NECAB1: variants seen among roughly 807,000 people sequenced by gnomAD.
NECAB1 encodes the protein N-terminal EF-hand calcium-binding protein 1.
Under a neutral mutation model 57.5 loss-of-function variants are expected in NECAB1, and 29 were observed. The ratio of observed to expected loss-of-function variants is 0.50; its 90% confidence interval spans 0.38 to 0.69. The LOEUF (loss-of-function observed/expected upper bound fraction) is 0.69, where lower values mean the gene tolerates loss of function less well. Ranked by LOEUF, NECAB1 falls within the 30% of genes least tolerant of loss-of-function variation. NECAB1 has a pLI of 0.00. For missense variants in NECAB1, 372 were observed against 413.8 expected, an observed-to-expected ratio of 0.90 and a Z score of 0.88; for synonymous variants, 142 against 147.7, an observed-to-expected ratio of 0.96 and a Z score of 0.28.
chr8:90,833,006 T>C (rs1812316878), intron 3 of NECAB1, among the ~76,000 whole-genome samples: 1 of 152,180 alleles, frequency 6.6e-6, no homozygotes, highest in Non-Finnish European at 1.5e-5. Flanking sequence ...TGATGTATAC[T>C]ATAGAGGTAA....
intron 9 of NECAB1, chr8:90,940,417 T>C (rs550772608): frequency 5.8e-6 from 1 of 172,236 alleles, no homozygotes; most frequent in African/African-American, 2.4e-5. Context: ...TGATCCCAGC[T>C]CTGCCTGCAC....
At chr8:90,882,916 A>T (rs979262076) in intron 5 of NECAB1, among the ~76,000 whole-genome samples, 1 of 152,224 alleles carries the variant, frequency 6.6e-6, no homozygotes, top group Admixed American at 6.5e-5. Context: ...TTGATTGGTT[A>T]AATGAACACA....
At position 90,955,434 on chromosome 8, in the gene NECAB1, CT is replaced by C. The variant is rs1465213313; in HGVS notation, c.1031-50del. Reference sequence around the variant, plus strand: ...AGAAATAATTTGCACCTTGAATGTTCTTTGCCCTATAAGTTATTTTCATTAT... The same window carrying C: ...AGAAATAATTTGCACCTTGAATGTTCTTGCCCTATAAGTTATTTTCATTAT... On this transcript the variant is annotated intron_variant, in intron 12 of 12. Transcript: ENST00000417640. The C allele has an allele frequency of 3.7e-6, 5 of 1,366,740 alleles. No individual in the cohort carries two copies. In the East Asian group the frequency reaches 1.3e-4, roughly 35 times the overall value. 84.7% of individuals were successfully genotyped at this position (1,366,740 alleles called of 1,614,324 possible).
In NECAB1 at chr8:90,940,863, C is replaced by A; in HGVS notation, c.825C>A (p.Tyr275Ter). The A allele has an allele frequency of 6.4e-7, 1 of 1,561,734 alleles. No individual in the cohort carries two copies. Among genetic ancestry groups the A allele is most frequent in the Non-Finnish European group, 8.7e-7 (1 of 1,152,510 alleles). The change falls in exon 10 of 13, where the codon TAC becomes TAA. Residue 275 changes from tyrosine to a stop codon, truncating the protein, a stop_gained. Coordinates refer to ENST00000417640, the MANE Select transcript of NECAB1 (RefSeq NM_022351.5). LOFTEE classifies it high-confidence loss of function. ...AATTCCAGCTCGCTCTGAAACACTA[C>A]GTGGAGAGTGCTTCCTCCCAAAGTG... ...LEEFQLALKH[Y>*]VESASSQSGC...
intron 6 of NECAB1, among the ~76,000 whole-genome samples, chr8:90,923,614 A>C (rs995612328): frequency 1.3e-5 from 2 of 152,258 alleles, no homozygotes; most frequent in African/African-American, 4.8e-5. Context: ...CAAACACAAG[A>C]AAAGAAACTC....
intron 2 of NECAB1, among the ~76,000 whole-genome samples, chr8:90,817,060 C>T (rs939901159): frequency 1.3e-5 from 2 of 151,750 alleles, no homozygotes; most frequent in Non-Finnish European, 3.0e-5. Context: ...AACTATTTTT[C>T]AGCTTCGATT....
rs1443144430 is a variant in NECAB1 at position 90,955,544 on chromosome 8, G to A, written c.*32G>A. On this transcript the variant is annotated 3_prime_UTR_variant, in exon 13 of 13. Coordinates refer to ENST00000417640, the MANE Select transcript of NECAB1 (RefSeq NM_022351.5). The stretch of plus-strand genomic sequence containing the variant: ...CTAGACATTTTCTTTATGGTTCCAA[G>A]TGCAAAACAGGTGTTCTTATCTAAA... 6.6e-7 allele frequency: 1 copy of A among 1,515,144 alleles called. No homozygotes were observed. The highest frequency in any genetic ancestry group is 1.3e-5 in the South Asian group (1 of 79,636). 93.9% of individuals were successfully genotyped at this position (1,515,144 alleles called of 1,614,324 possible).
chr8:90,813,980 T>G (rs1812016196), intron 2 of NECAB1, among the ~76,000 whole-genome samples: 1 of 152,206 alleles, frequency 6.6e-6, no homozygotes, highest in Non-Finnish European at 1.5e-5. Context: ...TCTACTAAAG[T>G]CCACACTTTG....
chr8:90,860,741 G>A (rs963448975), intron 3 of NECAB1, among the ~76,000 whole-genome samples: 25 of 152,140 alleles, frequency 1.6e-4, no homozygotes, highest in Non-Finnish European at 3.2e-4. Context: ...ATGATGCAGT[G>A]GTCAGAGAGA....
At chr8:90,885,093 A>G (rs544177864) in intron 5 of NECAB1, among the ~76,000 whole-genome samples, 1 of 152,342 alleles carries the variant, frequency 6.6e-6, no homozygotes, top group African/African-American at 2.4e-5. Flanking sequence ...CTGAGATGAG[A>G]GCCCTAACCC....
chr8:90,843,710 G>T (rs760218857), intron 3 of NECAB1, among the ~76,000 whole-genome samples: 1 of 152,204 alleles, frequency 6.6e-6, no homozygotes, highest in Non-Finnish European at 1.5e-5. Context: ...GCTAGAAACT[G>T]TGCAAATGCA....
At position 90,925,649 on chromosome 8, in the gene NECAB1, C is replaced by T. The variant is rs756765698; in HGVS notation, c.609C>T (p.Ser203=). 10 of 1,613,652 alleles carry T rather than the reference C, an allele frequency of 6.2e-6. No individual in the cohort carries two copies. The East Asian group carries it at 6.7e-5, about 11-fold the overall frequency. Residue 203 remains serine, a synonymous_variant, in exon 7 of 13, where the codon AGC becomes AGT. Coordinates refer to ENST00000417640, the MANE Select transcript of NECAB1 (RefSeq NM_022351.5). ...FSPNSPQFNV[S]GPGLLEEDNQ... is the part of the protein sequence containing the mutation. ...CAAACAGCCCTCAGTTTAATGTCAG[C>T]GGTCCAGGTAACATACCCTTCATTT...
chr8:90,942,376 C>T (rs986492897), intron 10 of NECAB1, among the ~76,000 whole-genome samples: 12 of 152,156 alleles, frequency 7.9e-5, no homozygotes, highest in African/African-American at 2.9e-4. Context: ...TCCTCAGTGC[C>T]ACTAACAGCT....
chr8:90,858,447 TA>T (rs946633785), intron 3 of NECAB1, among the ~76,000 whole-genome samples: 7 of 152,230 alleles, frequency 4.6e-5, no homozygotes, highest in Non-Finnish European at 1.0e-4. Context: ...TGCAAACTTA[TA>T]AAATTCTCTA....
At chr8:90,862,955 A>C (rs768606026) in intron 3 of NECAB1, among the ~76,000 whole-genome samples, 28 of 152,064 alleles carry the variant, frequency 1.8e-4, no homozygotes, top group Non-Finnish European at 1.6e-4. Context: ...AACATTTTAC[A>C]TTTTTAAACT....
chr8:90,951,091 T>C, intron 11 of NECAB1, 22 bp from the exon 12 acceptor site: 1 of 1,438,506 alleles, frequency 7.0e-7, no homozygotes, highest in Non-Finnish European at 9.7e-7. Context: ...TGCACAGCCT[T>C]AACCTATAAT....
chr8:90,864,694 C>T (rs1414241639), intron 3 of NECAB1, among the ~76,000 whole-genome samples: 1 of 152,116 alleles, frequency 6.6e-6, no homozygotes, highest in Non-Finnish European at 1.5e-5. Context: ...TCTCCTACCC[C>T]TCTCTCCCAT....
At chr8:90,819,799 G>A (rs139462885) in intron 2 of NECAB1, among the ~76,000 whole-genome samples, 26 of 152,018 alleles carry the variant, frequency 1.7e-4, no homozygotes, top group African/African-American at 6.0e-4. Flanking sequence ...AAAAATGCCC[G>A]TCCTCTCAGG....
chr8:90,865,087 A>G (rs374416423), intron 3 of NECAB1, among the ~76,000 whole-genome samples: 2 of 152,158 alleles, frequency 1.3e-5, no homozygotes, highest in East Asian at 1.9e-4. Flanking sequence ...GAAGAATGGA[A>G]GAAGGGCGGA....
Sources: allele counts gnomAD v4.1 joint callset (sites outside exome capture counted in the v4.1 genomes callset), GRCh38; gene constraint gnomAD v4.1.1; transcripts MANE v1.5; gene names NCBI Gene and HGNC (gene_info 2026-07-23, HGNC 2026-07-21).